The following SULF1 variants were observed in gnomAD, a reference collection of about 807,000 sequenced individuals.
SULF1 encodes the protein extracellular sulfatase Sulf-1.
SULF1 carries 46 observed loss-of-function variants against 110.5 expected under a neutral mutation model. The ratio of observed to expected loss-of-function variants is 0.42; its 90% CI spans 0.33 to 0.53. The LOEUF (loss-of-function observed/expected upper bound fraction) is 0.53. SULF1 is among the 20% of genes least tolerant of loss of function. SULF1 has a pLI of 0.12. For synonymous variants in SULF1, 371 were observed against 387.1 expected (o/e 0.96, Z 0.49); for missense variants, 941 against 1,094.2 (o/e 0.86, Z 1.98).
chr8:69,626,547 G>A (rs1046412338), intron 15 of SULF1, among the ~76,000 whole-genome samples: 11 of 152,226 alleles, frequency 7.2e-5, no homozygotes, highest in Admixed American at 1.3e-4. Flanking sequence ...GGTGCTCGTC[G>A]GGGAGGCTCG....
chr8:69,626,659 C>T (rs1277467283), intron 15 of SULF1, among the ~76,000 whole-genome samples: 9 of 152,234 alleles, frequency 5.9e-5, no homozygotes, highest in Admixed American at 4.6e-4. Context: ...GGTGAGAAAT[C>T]GAGCGCAGCG....
At chr8:69,571,194 G>A (rs1194198779) in intron 5 of SULF1, among the ~76,000 whole-genome samples, 1 of 152,208 alleles carries the variant, frequency 6.6e-6, no homozygotes, top group Admixed American at 6.5e-5. Flanking sequence ...GTAGATTACA[G>A]AGAAGAAGAT....
intron 7 of SULF1, among the ~76,000 whole-genome samples, chr8:69,587,017 T>C (rs1806515296): frequency 6.6e-6 from 1 of 152,216 alleles, no homozygotes; most frequent in South Asian, 2.1e-4. Context: ...ACCTTCCCTA[T>C]CACGGCAAGC....
At chr8:69,531,854 C>G (rs1284695406) in intron 3 of SULF1, among the ~76,000 whole-genome samples, 1 of 152,116 alleles carries the variant, frequency 6.6e-6, no homozygotes, top group East Asian at 1.9e-4. Context: ...AGCTCAGTAT[C>G]AACACGGGAA....
rs11774949 is a variant in SULF1, at chr8:69,474,762, C to A, written c.-391+7812C>A. On this transcript the variant is annotated intron_variant, in intron 1 of 22. Transcript: ENST00000260128. ...GGACCCAATATCAAACAGATTAAAT[C>A]TTTTTATTTTACTTTGACTCAGTTT... 5.7e-3 allele frequency among the ~76,000 whole-genome samples: 868 copies of A among 152,210 alleles called. 8 individuals are homozygous for A. The highest frequency in any genetic ancestry group is 0.02 in the African/African-American group (816 of 41,522).
chr8:69,478,157 C>A (rs923040111), intron 1 of SULF1, among the ~76,000 whole-genome samples: 4 of 152,144 alleles, frequency 2.6e-5, no homozygotes, highest in Non-Finnish European at 5.9e-5. Context: ...CCAGCCTAAG[C>A]ATTCTCCTTG....
intron 22 of SULF1, among the ~76,000 whole-genome samples, chr8:69,646,347 C>T (rs1367083138): frequency 6.6e-6 from 1 of 152,106 alleles, no homozygotes; most frequent in African/African-American, 2.4e-5. Context: ...TGTGGTCCAG[C>T]GCTCTTCTGA....
At chr8:69,514,627 C>A (rs964074221) in intron 3 of SULF1, among the ~76,000 whole-genome samples, 1 of 152,182 alleles carries the variant, frequency 6.6e-6, no homozygotes, top group East Asian at 1.9e-4. Flanking sequence ...GGAGGCTGTT[C>A]CAGCATTAAC....
At chr8:69,570,219 C>T (rs1805127366) in intron 5 of SULF1, among the ~76,000 whole-genome samples, 1 of 152,154 alleles carries the variant, frequency 6.6e-6, no homozygotes, top group African/African-American at 2.4e-5. Flanking sequence ...TGCTCTAATC[C>T]ACATGGAAGT....
intron 3 of SULF1, among the ~76,000 whole-genome samples, chr8:69,550,877 A>G (rs1473702164): frequency 6.6e-6 from 1 of 152,154 alleles, no homozygotes; most frequent in Non-Finnish European, 1.5e-5. Flanking sequence ...CCACTTTTCC[A>G]GCTCACTTTG....
intron 3 of SULF1, among the ~76,000 whole-genome samples, chr8:69,508,350 C>A (rs1811336183): frequency 6.6e-6 from 1 of 152,172 alleles, no homozygotes; most frequent in South Asian, 2.1e-4. Context: ...GGTGATCCAC[C>A]CACCTTGGCC....
chr8:69,620,927 T>G lies in SULF1; in HGVS notation c.1378-108T>G, dbSNP rs1047997007. ...CTTCATTCACTCTCCTTAATGATAT[T>G]GCCAGTGCTTCTAAAAAAAAGAAAA... On this transcript the variant is annotated intron_variant, in intron 13 of 22. Transcript: ENST00000402687. 18 of 811,170 alleles carry G rather than the reference T, an allele frequency of 2.2e-5. No individual in the cohort carries two copies. In the Admixed American group the frequency reaches 5.1e-4, roughly 23 times the overall value. 50.2% of individuals were successfully genotyped at this position (811,170 alleles called of 1,614,324 possible). A position where few individuals can be genotyped will look rare whatever the true frequency, so the allele number is the denominator to read the frequency against.
intron 3 of SULF1, among the ~76,000 whole-genome samples, chr8:69,524,375 C>T (rs745915614): frequency 6.6e-5 from 10 of 151,914 alleles, no homozygotes; most frequent in Non-Finnish European, 1.3e-4. Context: ...ACAGTCATGG[C>T]GGAAAGCAAA....
rs759628379 is a variant in SULF1 at position 69,621,104 on chromosome 8, C to A, written c.1447C>A (p.Leu483Ile). 7 of 1,613,988 alleles carry A rather than the reference C, an allele frequency of 4.3e-6. No homozygotes were observed. In the African/African-American group the frequency reaches 6.7e-5, roughly 15 times the overall value. The change falls in exon 14 of 23, where the codon CTC becomes ATC. Residue 483 changes from leucine (L) to isoleucine (I), a missense_variant. Leu to Ile is a conservative substitution (Grantham distance 5). Coordinates refer to ENST00000402687, the MANE Select transcript of SULF1 (RefSeq NM_001128205.2). ...IHKCKGPSDL[L>I]TVRQSTRNLY... is the part of the protein sequence containing the mutation. Reference sequence around the variant, plus strand: ...CAAGTGTAAAGGACCCAGTGACCTGCTCACAGTCCGGCAGAGCACGCGGAA... The same window carrying A: ...CAAGTGTAAAGGACCCAGTGACCTGATCACAGTCCGGCAGAGCACGCGGAA...
chr8:69,541,322 C>T (rs1179582282), intron 3 of SULF1, among the ~76,000 whole-genome samples: 1 of 152,182 alleles, frequency 6.6e-6, no homozygotes, highest in Non-Finnish European at 1.5e-5. Flanking sequence ...CATGGCACTT[C>T]CCCTGAGAAG....
chr8:69,562,737 C>T (rs1347356454), intron 3 of SULF1: 2 of 153,072 alleles, frequency 1.3e-5, no homozygotes, highest in Non-Finnish European at 2.9e-5. Context: ...GAAGGGTAGC[C>T]GCTGACTCCA....
At chr8:69,579,090 G>A (rs1321440035) in intron 6 of SULF1, among the ~76,000 whole-genome samples, 4 of 150,978 alleles carry the variant, frequency 2.6e-5, no homozygotes, top group African/African-American at 9.8e-5. Flanking sequence ...GTACCTGGGA[G>A]GCGGAGCTTC....
intron 3 of SULF1, among the ~76,000 whole-genome samples, chr8:69,559,630 A>T (rs1815338733): frequency 6.6e-6 from 1 of 152,202 alleles, no homozygotes; most frequent in Non-Finnish European, 1.5e-5. Context: ...ATCCAAGTCT[A>T]AAAAATTCTT....
rs574642338 is a variant in SULF1 at position 69,538,455 on chromosome 8, C to A, written c.-133-25084C>A. On this transcript the variant is annotated intron_variant, in intron 3 of 22. Transcript: ENST00000402687. ...GCAGTAATGCACTAAGGCCGGGCCC[C>A]TTTCTGGAGATACCAGCCTCCAGGA... Among the ~76,000 whole-genome samples the A allele has an allele frequency of 1.6e-4, 25 of 152,264 alleles. No homozygotes were observed. The South Asian group carries it at 5.0e-3, about 30-fold the overall frequency.
Sources: gnomAD v4.1 joint callset for allele counts (sites outside exome capture counted in the v4.1 genomes callset) on GRCh38, gnomAD v4.1.1 for gene constraint, MANE v1.5 for transcripts, NCBI Gene and HGNC (gene_info 2026-07-23, HGNC 2026-07-21) for gene names.